The following RSU1 variants were observed in gnomAD, a reference collection of about 807,000 sequenced individuals.
The protein encoded by RSU1 is Ras suppressor protein 1, also known as rsu-1.
A neutral mutation model predicts 31.1 loss-of-function variants in RSU1; 26 were observed. The observed-to-expected ratio is 0.84, with a 90% confidence interval of 0.61 to 1.16. The LOEUF is 1.16. Ranked by LOEUF, RSU1 falls within the 50% of genes most tolerant of loss-of-function variation. The pLI is 0.00. For synonymous variants in RSU1, 164 were observed against 136.3 expected, an observed-to-expected ratio of 1.20 and a Z score of -1.41; for missense variants, 320 against 339.1, an observed-to-expected ratio of 0.94 and a Z score of 0.44.
At chr10:16,795,601 C>G (rs1276690351) in intron 2 of RSU1, among the ~76,000 whole-genome samples, 3 of 151,988 alleles carry the variant, frequency 2.0e-5, no homozygotes, top group African/African-American at 7.3e-5. Flanking sequence ...GAGAGAACCC[C>G]CTAAAAGCTG....
intron 8 of RSU1, among the ~76,000 whole-genome samples, chr10:16,599,812 C>T (rs1313448035): frequency 1.3e-5 from 2 of 152,214 alleles, no homozygotes; most frequent in African/African-American, 2.4e-5. Context: ...GGAATCTGCA[C>T]TGCCAGCCTG....
chr10:16,738,483 C>T (rs950157283), intron 7 of RSU1, among the ~76,000 whole-genome samples: 3 of 151,996 alleles, frequency 2.0e-5, no homozygotes, highest in Non-Finnish European at 2.9e-5. Flanking sequence ...AAATCAATCA[C>T]GTAAGCTTTC....
chr10:16,741,504 T>C (rs562619263), intron 7 of RSU1, among the ~76,000 whole-genome samples: 1 of 152,264 alleles, frequency 6.6e-6, no homozygotes, highest in South Asian at 2.1e-4. Context: ...ACTTAGAATG[T>C]ATGAATTGTG....
intron 7 of RSU1, among the ~76,000 whole-genome samples, chr10:16,701,469 C>G (rs1318955339): frequency 6.6e-6 from 1 of 152,172 alleles, no homozygotes; most frequent in Admixed American, 6.5e-5. Context: ...ACTGTCATTC[C>G]GGCAACTGTC....
chr10:16,641,323 T>C (rs1331633794), intron 8 of RSU1, among the ~76,000 whole-genome samples: 3 of 152,036 alleles, frequency 2.0e-5, no homozygotes, highest in African/African-American at 7.2e-5. Flanking sequence ...GAAACCCATC[T>C]CTACTAAAAA....
intron 8 of RSU1, among the ~76,000 whole-genome samples, chr10:16,676,345 G>A (rs181666195): frequency 1.4e-3 from 210 of 152,272 alleles, no homozygotes; most frequent in African/African-American, 4.4e-3. Flanking sequence ...CTTACATGGT[G>A]GCAGGCAAGA....
chr10:16,754,371 T>TGTCAATAAGA (rs1411600453), intron 5 of RSU1, among the ~76,000 whole-genome samples: 2 of 152,208 alleles, frequency 1.3e-5, no homozygotes, highest in Non-Finnish European at 2.9e-5. Context: ...TTAATGCCTG[T>TGTCAATAAGA]GTACTGGATA....
intron 2 of RSU1, 56 bp downstream of exon 2, chr10:16,816,917 G>T: frequency 7.9e-7 from 1 of 1,272,734 alleles, no homozygotes; most frequent in Non-Finnish European, 1.1e-6. Context: ...CAGTGAATTG[G>T]CAAACTTAGA....
At chr10:16,763,504 A>G (rs1837249865) in intron 4 of RSU1, among the ~76,000 whole-genome samples, 1 of 152,216 alleles carries the variant, frequency 6.6e-6, no homozygotes, top group Non-Finnish European at 1.5e-5. Context: ...AAGAGGGGAT[A>G]GTGCTAAACC....
chr10:16,606,095 C>T (rs894560424), intron 8 of RSU1, among the ~76,000 whole-genome samples: 3 of 152,152 alleles, frequency 2.0e-5, no homozygotes, highest in Admixed American at 6.5e-5. Flanking sequence ...AGTAAAGGTG[C>T]TGCAGCGCCA....
intron 3 of RSU1, among the ~76,000 whole-genome samples, chr10:16,775,279 C>T (rs1837504392): frequency 6.6e-6 from 1 of 152,154 alleles, no homozygotes. Flanking sequence ...TTTTCAGGAT[C>T]AGCCCCGCAC....
intron 2 of RSU1, among the ~76,000 whole-genome samples, chr10:16,795,481 C>T (rs1396512853): frequency 1.5e-4 from 23 of 152,146 alleles, no homozygotes; most frequent in Admixed American, 1.4e-3. Context: ...CTATTTCTCA[C>T]GATAACCCTA....
chr10:16,742,581 A>T (rs1467083407), intron 7 of RSU1, among the ~76,000 whole-genome samples: 1 of 152,092 alleles, frequency 6.6e-6, no homozygotes, highest in Non-Finnish European at 1.5e-5. Context: ...GGTGATAACA[A>T]CTGTATTTAG....
At chr10:16,727,544 A>G (rs1490545010) in intron 7 of RSU1, among the ~76,000 whole-genome samples, 1 of 152,128 alleles carries the variant, frequency 6.6e-6, no homozygotes, top group African/African-American at 2.4e-5. Flanking sequence ...TGTGTCTCTA[A>G]AAATATACAA....
At chr10:16,754,623 AG>A (rs1837046735) in intron 5 of RSU1, among the ~76,000 whole-genome samples, 1 of 149,570 alleles carries the variant, frequency 6.7e-6, no homozygotes, top group African/African-American at 2.5e-5. Flanking sequence ...GATCTCATTT[AG>A]GTATATAATC....
intron 7 of RSU1, among the ~76,000 whole-genome samples, chr10:16,736,551 C>T (rs78631345): frequency 0.048 from 7,268 of 152,058 alleles, 195 homozygotes; most frequent in Non-Finnish European, 0.064. Flanking sequence ...TGAAACCCAA[C>T]AGACCATAAA....
chr10:16,801,271 C>G (rs927466666), intron 2 of RSU1, among the ~76,000 whole-genome samples: 4 of 151,830 alleles, frequency 2.6e-5, no homozygotes, highest in African/African-American at 9.7e-5. Context: ...GACTTCAAAG[C>G]AAGGAAGATT....
chr10:16,657,529 G>GA (rs397945910), intron 8 of RSU1, among the ~76,000 whole-genome samples: 9,114 of 133,012 alleles, frequency 0.069, 879 homozygotes, highest in African/African-American at 0.22. Context: ...AATCATACTA[G>GA]AAAAAAAAAA....
At chr10:16,661,194 C>G (rs1293111892) in intron 8 of RSU1, among the ~76,000 whole-genome samples, 1 of 151,392 alleles carries the variant, frequency 6.6e-6, no homozygotes, top group Admixed American at 6.6e-5. Flanking sequence ...TTTCTTGTTT[C>G]TGCTGAGTCT....
Sources: allele counts gnomAD v4.1 joint callset (sites outside exome capture counted in the v4.1 genomes callset), GRCh38; gene constraint gnomAD v4.1.1; transcripts MANE v1.5; gene names NCBI Gene and HGNC (gene_info 2026-07-23, HGNC 2026-07-21).